Variants in NCOA6 observed in about 807,000 individuals in gnomAD.
NCOA6 encodes NRC RAP250.
NCOA6 carries 49 observed loss-of-function variants against 171.4 expected under a neutral mutation model. The ratio of observed to expected loss-of-function variants is 0.29; its 90% CI spans 0.23 to 0.36. The LOEUF (loss-of-function observed/expected upper bound fraction) is 0.36. NCOA6 is among the 10% of genes least tolerant of loss of function. NCOA6 has a pLI of 1.00. For synonymous variants in NCOA6, 910 were observed against 927.5 expected, an observed-to-expected ratio of 0.98 and a Z score of 0.34; for missense variants, 2,248 against 2,554.5, an observed-to-expected ratio of 0.88 and a Z score of 2.59.
At chr20:34,716,298 A>C (rs1340451589) in intron 14 of NCOA6, among the ~76,000 whole-genome samples, 1 of 151,862 alleles carries the variant, frequency 6.6e-6, no homozygotes, top group Non-Finnish European at 1.5e-5. Flanking sequence ...CTCTGAGCCC[A>C]AGTGAGCCTG....
chr20:34,786,974 T>C (rs1447167200), intron 2 of NCOA6, among the ~76,000 whole-genome samples: 1 of 151,986 alleles, frequency 6.6e-6, no homozygotes, highest in Non-Finnish European at 1.5e-5. Flanking sequence ...GAAAGTGGGA[T>C]CTAATTAAAA....
chr20:34,780,739 A>C (rs2077494517), intron 3 of NCOA6, among the ~76,000 whole-genome samples: 1 of 151,826 alleles, frequency 6.6e-6, no homozygotes, highest in Non-Finnish European at 1.5e-5. Flanking sequence ...TGCAGCTTTG[A>C]CCTCCCTGGG....
At chr20:34,816,042 G>T (rs967672690) in intron 1 of NCOA6, among the ~76,000 whole-genome samples, 3 of 151,986 alleles carry the variant, frequency 2.0e-5, no homozygotes, top group Non-Finnish European at 2.9e-5. Flanking sequence ...AAAGTACGTC[G>T]GCTTCACTTC....
At chr20:34,744,895 C>T (rs1330463422) in intron 10 of NCOA6, among the ~76,000 whole-genome samples, 1 of 152,160 alleles carries the variant, frequency 6.6e-6, no homozygotes, top group African/African-American at 2.4e-5. Flanking sequence ...TTAAAATCAG[C>T]CCACCAGACA....
chr20:34,760,942 C>T (rs1372724158), intron 5 of NCOA6, among the ~76,000 whole-genome samples: 1 of 151,676 alleles, frequency 6.6e-6, no homozygotes, highest in Non-Finnish European at 1.5e-5. Context: ...TCTTTTGGGC[C>T]AGGCACGGTG....
intron 1 of NCOA6, among the ~76,000 whole-genome samples, chr20:34,823,800 T>G (rs191706598): frequency 3.8e-4 from 58 of 152,140 alleles, no homozygotes; most frequent in African/African-American, 1.1e-3. Context: ...CCTCCCAGGC[T>G]CAAGCGATCC....
intron 9 of NCOA6, among the ~76,000 whole-genome samples, chr20:34,747,231 A>G (rs1387536653): frequency 6.6e-6 from 1 of 152,228 alleles, no homozygotes; most frequent in Non-Finnish European, 1.5e-5. Flanking sequence ...AGACCTGATC[A>G]TAGGACTATC....
At chr20:34,737,124 A>C (rs1050114550) in intron 11 of NCOA6, among the ~76,000 whole-genome samples, 2 of 152,238 alleles carry the variant, frequency 1.3e-5, no homozygotes. Flanking sequence ...CCATAGAGGT[A>C]CAATTATACC....
intron 5 of NCOA6, among the ~76,000 whole-genome samples, chr20:34,761,667 T>C (rs988440195): frequency 1.3e-5 from 2 of 152,140 alleles, no homozygotes; most frequent in Non-Finnish European, 2.9e-5. Context: ...TTTTGTTTTT[T>C]TTCTCCGAGA....
At position 34,742,245 on chromosome 20, in the gene NCOA6, A is replaced by G. The variant is rs2076167961; in HGVS notation, c.4011T>C (p.Ser1337=). 5.0e-6 allele frequency: 8 copies of G among 1,614,156 alleles called. No homozygotes were observed. The highest frequency in any genetic ancestry group is 6.8e-6 in the Non-Finnish European group (8 of 1,180,032). ...SNSRRSSPGS[S]RKTTPSPGRQ... ...TCCCAGGGCTTGGAGTGGTTTTCCT[A>G]CTGGACCCAGGACTAGACCTGCGAC... Residue 1337 remains serine (S), a synonymous_variant, in exon 11 of 15, where the codon AGT becomes AGC. Transcript: ENST00000359003.
chr20:34,715,427 C>T (rs1174891301), intron 14 of NCOA6, 62 bp from the exon 15 acceptor site: 6 of 1,242,110 alleles, frequency 4.8e-6, no homozygotes, highest in Non-Finnish European at 7.1e-6. Flanking sequence ...GCCCTTTAGA[C>T]AGTCCACAAC....
Position 34,750,481 on chromosome 20 carries a change from C to A in NCOA6, c.1714G>T (p.Val572Leu). ...ATCATATTTGGCGGCCCGTGGGACA[C>A]CTGCATCTGGTTTTGAGGAGGACCA... is the stretch of plus-strand genomic sequence containing the variant. ...GAGPPQNQMQ[V>L]SHGPPNMMQP... is the part of the protein sequence containing the mutation. The change falls in exon 9 of 15, where the codon GTG becomes TTG. Residue 572 changes from valine to leucine, a missense_variant. Transcript: ENST00000359003. 1.2e-6 allele frequency: 2 copies of A among 1,611,984 alleles called. No individual in the cohort carries two copies. Among genetic ancestry groups the A allele is most frequent in the African/African-American group, 1.3e-5 (1 of 74,788 alleles).
At chr20:34,729,082 C>G (rs1158397697) in intron 13 of NCOA6, among the ~76,000 whole-genome samples, 1 of 152,188 alleles carries the variant, frequency 6.6e-6, no homozygotes, top group Non-Finnish European at 1.5e-5. Context: ...TCCTGAGTAG[C>G]TGGGATTACA....
rs184039170 is a variant in NCOA6, at chr20:34,790,438, T to A, written c.-50+2012A>T. On this transcript the variant is annotated intron_variant, in intron 2 of 14. Coordinates refer to ENST00000359003, the MANE Select transcript of NCOA6 (RefSeq NM_014071.5). ...GGTGTGACCTCGGCTCACTGTAAGC[T>A]CCGCCTCCCAGGTTCATGCCATTCT... is the stretch of plus-strand genomic sequence containing the variant. 5.5e-3 allele frequency among the ~76,000 whole-genome samples: 839 copies of A among 152,236 alleles called. 39 individuals carry two copies. Among genetic ancestry groups the A allele is most frequent in the Admixed American group, 0.047 (722 of 15,282 alleles).
At chr20:34,817,722 G>T (rs959070479) in intron 1 of NCOA6, among the ~76,000 whole-genome samples, 1 of 152,158 alleles carries the variant, frequency 6.6e-6, no homozygotes, top group Non-Finnish European at 1.5e-5. Context: ...AGGGAAGGGG[G>T]AAGGCAGAGA....
chr20:34,821,839 G>A (rs868715203), intron 1 of NCOA6, among the ~76,000 whole-genome samples: 5 of 152,144 alleles, frequency 3.3e-5, no homozygotes, highest in South Asian at 2.1e-4. Context: ...CGCCCGCCTC[G>A]GCCTCCCAAA....
intron 7 of NCOA6, among the ~76,000 whole-genome samples, chr20:34,756,545 G>T (rs1270939435): frequency 1.3e-5 from 2 of 152,148 alleles, no homozygotes; most frequent in Non-Finnish European, 2.9e-5. Context: ...TAAACATGGA[G>T]ATGGATAAGT....
rs1392260305 is a variant in NCOA6, at chr20:34,782,200, G to C, written c.156C>G (p.Phe52Leu). Residue 52 changes from phenylalanine to leucine, a missense_variant, in exon 3 of 15, where the codon TTC (phenylalanine) becomes TTG (leucine). Phe to Leu is a conservative substitution (Grantham distance 22, BLOSUM62 0). Around this residue, in one of 7 missense-constraint regions of NCOA6, gnomAD observed 987 missense variants for 1,104.7 expected, o/e 0.89. Coordinates refer to ENST00000359003, the MANE Select transcript of NCOA6 (RefSeq NM_014071.5). ...ILEDSTIFVA[F>L]KGNIDDKDFK... ...AGTCTTTATCATCTATATTTCCTTTGAAGGCCACAAAAATTGTGGAATCCT... is the reference window on the plus strand; with the variant it reads ...AGTCTTTATCATCTATATTTCCTTTCAAGGCCACAAAAATTGTGGAATCCT... 1.2e-6 allele frequency: 2 copies of C among 1,612,176 alleles called. No homozygotes were observed. The highest frequency in any genetic ancestry group is 4.5e-5 in the East Asian group (2 of 44,730).
At chr20:34,819,540 T>C (rs935031402) in intron 1 of NCOA6, 2 of 152,208 alleles carry the variant, frequency 1.3e-5, no homozygotes, top group Admixed American at 1.3e-4. Flanking sequence ...AGTTCTATCC[T>C]AGCAGATAAT....
Sources: gnomAD v4.1 joint callset for allele counts (sites outside exome capture counted in the v4.1 genomes callset) on GRCh38, gnomAD v4.1.1 for gene constraint, gnomAD v4.1.1 regional missense constraint, MANE v1.5 for transcripts, NCBI Gene and HGNC (gene_info 2026-07-23, HGNC 2026-07-21) for gene names.